The following TTC3 variants were observed in gnomAD, a reference collection of about 807,000 sequenced individuals.
The protein encoded by TTC3 is E3 ubiquitin-protein ligase TTC3.
A neutral mutation model predicts 249.6 loss-of-function variants in TTC3; 180 were observed. That is an observed-to-expected ratio of 0.72 (90% CI 0.64 to 0.82). The LOEUF (loss-of-function observed/expected upper bound fraction) is 0.82, where lower values mean the gene tolerates loss of function less well. Among genes scored for constraint, TTC3 ranks in the 40% least tolerant of loss-of-function variants. TTC3 has a pLI of 0.00. For synonymous variants in TTC3, 717 were observed against 805.0 expected (o/e 0.89, Z 1.85); for missense variants, 2,061 against 2,398.4 (o/e 0.86, Z 2.94).
chr21:37,132,798 A>G, intron 17 of TTC3, 32 bp downstream of exon 17: 1 of 1,530,486 alleles, frequency 6.5e-7, no homozygotes. Context: ...TGGAAAAAGC[A>G]AAACTCTTTG....
At position 37,096,106 on chromosome 21, in the gene TTC3, A is replaced by G. The variant is rs190299506; in HGVS notation, c.783-475A>G. On this transcript the variant is annotated intron_variant, in intron 9 of 45. Transcript: ENST00000355666. ...TGCTGCCCTATTCTTTTGAGGAAGA[A>G]GTGGAGGAAAGGGAGATACGTTTCA... Among the ~76,000 whole-genome samples the G allele has an allele frequency of 4.6e-3, 701 of 152,352 alleles. 9 individuals carry two copies. The highest frequency in any genetic ancestry group is 6.4e-3 in the Non-Finnish European group (434 of 68,030).
intron 15 of TTC3, among the ~76,000 whole-genome samples, chr21:37,127,096 C>T (rs188720098): frequency 1.3e-5 from 2 of 152,284 alleles, no homozygotes; most frequent in Admixed American, 1.3e-4. Flanking sequence ...TTCAAGCAAT[C>T]CTCTCGCCTT....
intron 11 of TTC3, among the ~76,000 whole-genome samples, chr21:37,116,729 C>A (rs941071186): frequency 1.3e-5 from 2 of 152,012 alleles, no homozygotes; most frequent in African/African-American, 4.8e-5. Context: ...ATCACTTGAA[C>A]CCAGGAGATG....
intron 11 of TTC3, among the ~76,000 whole-genome samples, chr21:37,117,891 T>C (rs2076287222): frequency 6.6e-6 from 1 of 151,302 alleles, no homozygotes; most frequent in Non-Finnish European, 1.5e-5. Context: ...TTTTGAGAAC[T>C]TTGTGGAGAA....
At chr21:37,137,906 T>G (rs1391840660) in intron 18 of TTC3, among the ~76,000 whole-genome samples, 1 of 152,108 alleles carries the variant, frequency 6.6e-6, no homozygotes, top group Non-Finnish European at 1.5e-5. Flanking sequence ...ACAAAAAGAT[T>G]ATGACTCACT....
chr21:37,119,170 G>A (rs1164498810), intron 11 of TTC3, among the ~76,000 whole-genome samples: 1 of 152,152 alleles, frequency 6.6e-6, no homozygotes, highest in Non-Finnish European at 1.5e-5. Context: ...GTTTTGGGAT[G>A]CAGTAAAGTT....
intron 10 of TTC3, among the ~76,000 whole-genome samples, chr21:37,104,116 G>T (rs2147774339): frequency 6.6e-6 from 1 of 152,306 alleles, no homozygotes; most frequent in Non-Finnish European, 1.5e-5. Flanking sequence ...AGGTGAAGCT[G>T]ACAGAAGTTG....
At position 37,147,613 on chromosome 21, in the gene TTC3, G is replaced by C. The variant is rs1206341077; in HGVS notation, c.2016+10G>C. The C allele has an allele frequency of 6.3e-7, 1 of 1,597,494 alleles. No individual in the cohort carries two copies. The highest frequency in any genetic ancestry group is 2.3e-5 in the East Asian group (1 of 43,688). On this transcript the variant is annotated intron_variant, in intron 22 of 45. Coordinates refer to ENST00000355666, the Ensembl canonical transcript of TTC3. ...TGATCCAGACTTTAAGGTAAATAAT[G>C]AGTGTACAGTGGGACATTAACTTGC...
At chr21:37,157,127 ATGCTAACAATACACAATG>A in intron 28 of TTC3, 1 of 1,427,594 alleles carries the variant, frequency 7.0e-7, no homozygotes, top group Non-Finnish European at 9.4e-7. Flanking sequence ...TAGGTATGTT[ATGCTAACAATACACAATG>A]TTCTTCCCGT....
chr21:37,087,077 A>C, intron 1 of TTC3, 170 bp from the exon 2 acceptor site: 1 of 664,890 alleles, frequency 1.5e-6, no homozygotes, highest in Non-Finnish European at 2.5e-6. Context: ...AGAGAGGAAA[A>C]GTCAGCAGAA....
At chr21:37,130,759 C>G (rs1177509358) in intron 16 of TTC3, among the ~76,000 whole-genome samples, 1 of 151,592 alleles carries the variant, frequency 6.6e-6, no homozygotes, top group Non-Finnish European at 1.5e-5. Flanking sequence ...CTCTTTTCCT[C>G]CCTCACTTTC....
At chr21:37,084,277 T>C (rs2072097563) in intron 1 of TTC3, 1 of 152,196 alleles carries the variant, frequency 6.6e-6, no homozygotes. Flanking sequence ...CAGGAGAAGA[T>C]GGTCTTTGGA....
At chr21:37,184,749 A>G (rs2148163427) in intron 36 of TTC3, among the ~76,000 whole-genome samples, 1 of 151,784 alleles carries the variant, frequency 6.6e-6, no homozygotes, top group South Asian at 2.1e-4. Flanking sequence ...GATTACAGGC[A>G]TGAGCCATTG....
rs1472101667 is a variant in TTC3, at chr21:37,192,096, T to C, written c.5116-16T>C. On this transcript the variant is annotated splice_polypyrimidine_tract_variant and intron_variant, in intron 40 of 45. Coordinates refer to ENST00000355666, the Ensembl canonical transcript of TTC3. ...TGACAATTGTGGTTTTCCCACACTT[T>C]ACTTTCTACTCACAGTCTCAGTTTG... 6.5e-7 allele frequency: 1 copy of C among 1,530,856 alleles called. No homozygotes were observed. Among genetic ancestry groups the C allele is most frequent in the Admixed American group, 1.9e-5 (1 of 53,060 alleles). 94.8% of individuals were successfully genotyped at this position (1,530,856 alleles called of 1,614,324 possible). A position where few individuals can be genotyped will look rare whatever the true frequency, so the allele number is the denominator to read the frequency against.
At chr21:37,093,320 G>T (rs13046924) in intron 7 of TTC3, 1 of 148,736 alleles carries the variant, frequency 6.7e-6, no homozygotes, top group Non-Finnish European at 1.5e-5. Flanking sequence ...CGGAGTTTGC[G>T]GTGAGCCAAG....
At chr21:37,090,039 G>A (rs578022209) in intron 5 of TTC3, among the ~76,000 whole-genome samples, 194 bp from the exon 6 acceptor site, 9 of 151,998 alleles carry the variant, frequency 5.9e-5, no homozygotes, top group Non-Finnish European at 1.2e-4. Context: ...TTTACTGCTA[G>A]AACCCTATTG....
intron 45 of TTC3, among the ~76,000 whole-genome samples, chr21:37,200,562 C>T (rs2085393446): frequency 6.6e-6 from 1 of 152,126 alleles, no homozygotes; most frequent in Non-Finnish European, 1.5e-5. Flanking sequence ...GCAGCTCCAG[C>T]CACTCGTTAG....
rs62223645 is a variant in TTC3 at position 37,156,685 on chromosome 21, G to T, written c.2771G>T (p.Arg924Leu). The T allele has an allele frequency of 3.1e-6, 5 of 1,613,316 alleles. No homozygotes were observed. The highest frequency in any genetic ancestry group is 2.2e-5 in the East Asian group (1 of 44,822). The change falls in exon 28 of 46, where the codon CGT becomes CTT. Residue 924 changes from arginine to leucine, a missense_variant. By Grantham distance (102) the Arg-to-Leu change is moderately radical (BLOSUM62 -2). Around this residue, in one of 3 missense-constraint regions of TTC3, gnomAD observed 989 missense variants for 1,145.1 expected, o/e 0.86. Coordinates refer to ENST00000355666, the Ensembl canonical transcript of TTC3. ...GATGCCACAGGAACTTTCTTTTCTC[G>T]TTATGGAGCATCTCTTAAACTGCTT... is the stretch of plus-strand genomic sequence containing the variant.
At chr21:37,151,039 A>G (rs1034489774) in intron 25 of TTC3, among the ~76,000 whole-genome samples, 155 bp downstream of exon 25, 1 of 152,180 alleles carries the variant, frequency 6.6e-6, no homozygotes, top group Non-Finnish European at 1.5e-5. Context: ...GGAAAATTAA[A>G]ACTTAAAGAG....
Sources: allele counts gnomAD v4.1 joint callset (sites outside exome capture counted in the v4.1 genomes callset), GRCh38; gene constraint gnomAD v4.1.1; regional missense constraint gnomAD v4.1.1; transcripts MANE v1.5; gene names NCBI Gene and HGNC (gene_info 2026-07-23, HGNC 2026-07-21).